The following MYCBP2 variants were observed in gnomAD, a reference collection of about 807,000 sequenced individuals.
MYCBP2 encodes E3 ubiquitin-protein ligase MYCBP2.
In MYCBP2, 120 loss-of-function variants were observed where a neutral mutation model predicts 525.3. The observed-to-expected ratio is 0.23, with a 90% confidence interval of 0.20 to 0.27. MYCBP2 has a LOEUF of 0.27. Ranked by LOEUF, MYCBP2 falls within the 10% of genes least tolerant of loss-of-function variation. The pLI, the probability that MYCBP2 is intolerant of heterozygous loss-of-function variation, is 1.00. For synonymous variants in MYCBP2, 1,894 were observed against 1,955.8 expected (o/e 0.97, Z 0.83); for missense variants, 4,149 against 5,657.1 (o/e 0.73, Z 8.55).
intron 20 of MYCBP2, among the ~76,000 whole-genome samples, chr13:77,218,401 A>G (rs912978789): frequency 1.3e-5 from 2 of 152,198 alleles, no homozygotes; most frequent in South Asian, 4.1e-4. Flanking sequence ...ACTAAGCTAT[A>G]AGTTTAGATC....
chr13:77,176,066 A>G (rs2154239962), intron 36 of MYCBP2, among the ~76,000 whole-genome samples: 1 of 151,658 alleles, frequency 6.6e-6, no homozygotes, highest in South Asian at 2.1e-4. Flanking sequence ...AGAAGAAAAG[A>G]CAGGAGCTAA....
chr13:77,266,717 G>A (rs1017390707), intron 8 of MYCBP2, among the ~76,000 whole-genome samples: 6 of 112,804 alleles, frequency 5.3e-5, no homozygotes, highest in Non-Finnish European at 8.3e-5. Flanking sequence ...TTATTATTAT[G>A]ACCAAAGACA....
intron 49 of MYCBP2, 28 bp from the exon 50 acceptor site, chr13:77,140,971 A>G (rs1288660219): frequency 1.3e-6 from 2 of 1,502,614 alleles, no homozygotes; most frequent in Non-Finnish European, 1.8e-6. Flanking sequence ...GAACTGTAAC[A>G]TTTGAGAAAA....
chr13:77,061,834 C>T (rs1293741572), intron 74 of MYCBP2, 44 bp from the exon 75 acceptor site: 2 of 1,513,378 alleles, frequency 1.3e-6, no homozygotes, highest in Non-Finnish European at 1.8e-6. Flanking sequence ...ACAAGCAAGT[C>T]TCAGACTCTC....
Position 77,146,181 on chromosome 13 carries a change from C to A in MYCBP2, c.7168G>T (p.Ala2390Ser). Residue 2390 changes from alanine to serine, a missense_variant, in exon 48 of 83, where the codon GCA becomes TCA. Ala to Ser is a moderately conservative substitution (Grantham distance 99). Coordinates refer to ENST00000544440, the MANE Select transcript of MYCBP2 (RefSeq NM_015057.5). ...CCTTACCTCTTAGGAGTTGGTGATG[C>A]AAAACGTAGTTCTTCAAATGAATAA... ...ENYSFEELRFASPTPKRPSEN... is the reference protein window; with the variant it reads ...ENYSFEELRFSSPTPKRPSEN... 1 of 1,595,674 alleles carries A rather than the reference C, an allele frequency of 6.3e-7. No homozygotes were observed. Among genetic ancestry groups the A allele is most frequent in the Non-Finnish European group, 8.5e-7 (1 of 1,171,922 alleles).
chr13:77,249,510 C>T (rs1331568139), intron 15 of MYCBP2, among the ~76,000 whole-genome samples: 1 of 152,180 alleles, frequency 6.6e-6, no homozygotes, highest in Non-Finnish European at 1.5e-5. Context: ...ATTTTGTTCA[C>T]GATATATACT....
chr13:77,102,420 T>A (rs1293674710), intron 55 of MYCBP2, among the ~76,000 whole-genome samples: 1 of 151,718 alleles, frequency 6.6e-6, no homozygotes, highest in African/African-American at 2.4e-5. Flanking sequence ...ACTTATACAA[T>A]ATGTTAGGCA....
rs541458002 is a variant in MYCBP2, at chr13:77,250,902, G to GT, written c.2381+248dup. 1.9e-3 allele frequency among the ~76,000 whole-genome samples: 291 copies of GT among 152,234 alleles called. 3 individuals are homozygous for GT. Among genetic ancestry groups the GT allele is most frequent in the African/African-American group, 6.1e-3 (254 of 41,546 alleles). On this transcript the variant is annotated intron_variant, in intron 15 of 82. Coordinates refer to ENST00000544440, the MANE Select transcript of MYCBP2 (RefSeq NM_015057.5). The stretch of plus-strand genomic sequence containing the variant: ...CCAAGTCTTGAAAAACTTATGGTCT[G>GT]TTTTTAAATAATGGTTTAAATGAAT...
chr13:77,112,334 TATA>T (rs1041548091), intron 55 of MYCBP2, among the ~76,000 whole-genome samples: 1 of 146,772 alleles, frequency 6.8e-6, no homozygotes, highest in African/African-American at 2.5e-5. Flanking sequence ...GTTTTATTTA[TATA>T]ATATATATTT....
intron 22 of MYCBP2, 42 bp from the exon 23 acceptor site, chr13:77,211,362 C>T (rs1463272794): frequency 9.6e-7 from 1 of 1,045,166 alleles, no homozygotes; most frequent in Non-Finnish European, 1.2e-6. Flanking sequence ...ATATATATTA[C>T]CCTTTTAAAT....
intron 18 of MYCBP2, among the ~76,000 whole-genome samples, chr13:77,226,116 C>T (rs892777859): frequency 1.3e-5 from 2 of 152,094 alleles, no homozygotes; most frequent in African/African-American, 4.8e-5. Context: ...AGTTCAATGG[C>T]CTATTCTTAT....
rs1361068268 is a variant in MYCBP2, at chr13:77,176,029, T to C, written c.5472+468A>G. Among the ~76,000 whole-genome samples, 4 of 151,436 alleles carry C rather than the reference T, an allele frequency of 2.6e-5. No homozygotes were observed. In the East Asian group the frequency reaches 7.7e-4, roughly 29 times the overall value. On this transcript the variant is annotated intron_variant, in intron 36 of 82. Transcript: ENST00000544440. Reference sequence around the variant, plus strand: ...AACAAAACAAAAACACTTTTTTTTTTTTTTAAATGAGTTAGGGCACAATAA... The same window carrying C: ...AACAAAACAAAAACACTTTTTTTTTCTTTTAAATGAGTTAGGGCACAATAA...
intron 4 of MYCBP2, among the ~76,000 whole-genome samples, 156 bp from the exon 5 acceptor site, chr13:77,273,824 A>G (rs567848361): frequency 7.2e-5 from 11 of 152,212 alleles, no homozygotes; most frequent in Non-Finnish European, 1.5e-4. Context: ...CTCTTCCCCA[A>G]AAGTTAAAAT....
intron 20 of MYCBP2, among the ~76,000 whole-genome samples, chr13:77,218,699 C>T (rs1339179182): frequency 6.6e-6 from 1 of 152,198 alleles, no homozygotes; most frequent in Non-Finnish European, 1.5e-5. Context: ...ACACAGTTAA[C>T]ACTTAATGAA....
In MYCBP2 at chr13:77,165,365, T is replaced by C. The variant is rs758140901; in HGVS notation, c.6367A>G (p.Thr2123Ala). 4 of 1,602,836 alleles carry C rather than the reference T, an allele frequency of 2.5e-6. No homozygotes were observed. Among genetic ancestry groups the C allele is most frequent in the Non-Finnish European group, 3.4e-6 (4 of 1,176,934 alleles). Residue 2123 changes from threonine to alanine, a missense_variant, in exon 42 of 83, where the codon ACT becomes GCT. By Grantham distance (58) the Thr-to-Ala change is moderately conservative. Around this residue, in one of 21 missense-constraint regions of MYCBP2, gnomAD observed 692 missense variants for 852.7 expected, o/e 0.81. Coordinates refer to ENST00000544440, the MANE Select transcript of MYCBP2 (RefSeq NM_015057.5). ...PGNEALFSLE[T>A]ASDYVKDDKA... is the part of the protein sequence containing the mutation. The stretch of plus-strand genomic sequence containing the variant: ...TCATCTTTCACATAATCTGATGCAG[T>C]CTCCAATGAAAAAAGGGCCTCATTT...
At chr13:77,062,776 G>C (rs961797737) in intron 73 of MYCBP2, 79 bp from the exon 74 acceptor site, 2 of 1,095,196 alleles carry the variant, frequency 1.8e-6, no homozygotes, top group Non-Finnish European at 2.8e-6. Context: ...CATCACAACA[G>C]CTCAATAAAT....
chr13:77,046,643 AAAGT>A (rs2035620876), intron 82 of MYCBP2, among the ~76,000 whole-genome samples: 1 of 152,210 alleles, frequency 6.6e-6, no homozygotes, highest in Non-Finnish European at 1.5e-5. Flanking sequence ...AGAGGAATAA[AAAGT>A]AAGTTCTGTA....
chr13:77,064,942 AAAAT>A (rs1310531364), intron 72 of MYCBP2, among the ~76,000 whole-genome samples: 1 of 152,158 alleles, frequency 6.6e-6, no homozygotes, highest in African/African-American at 2.4e-5. Context: ...TTGATATTTA[AAAAT>A]AAATAAATAA....
At chr13:77,201,330 CAAG>C (rs1467845057) in intron 26 of MYCBP2, among the ~76,000 whole-genome samples, 1 of 149,854 alleles carries the variant, frequency 6.7e-6, no homozygotes, top group Non-Finnish European at 1.5e-5. Flanking sequence ...ATCAATTCAA[CAAG>C]AAGAGCTAAC....
Sources: gnomAD v4.1 joint callset for allele counts (sites outside exome capture counted in the v4.1 genomes callset) on GRCh38, gnomAD v4.1.1 for gene constraint, gnomAD v4.1.1 regional missense constraint, MANE v1.5 for transcripts, NCBI Gene and HGNC (gene_info 2026-07-23, HGNC 2026-07-21) for gene names.